Variants in WT1 observed in about 807,000 individuals in gnomAD.
WT1 encodes the protein Wilms tumor protein.
WT1 carries 8 observed loss-of-function variants against 60.8 expected under a neutral mutation model. That is an observed-to-expected ratio of 0.13 (90% CI 0.08 to 0.24). The LOEUF (loss-of-function observed/expected upper bound fraction) is 0.24. Ranked by LOEUF, WT1 falls within the 10% of genes least tolerant of loss-of-function variation. WT1 has a pLI of 1.00. For synonymous variants in WT1, 312 were observed against 297.1 expected (o/e 1.05, Z -0.52); for missense variants, 568 against 711.8 (o/e 0.80, Z 2.30).
rs1590331597 is a variant in WT1 at position 32,392,074 on chromosome 11, C to T, written c.1355-10G>A. 6.2e-7 allele frequency: 1 copy of T among 1,613,676 alleles called. No homozygotes were observed. The highest frequency in any genetic ancestry group is 8.5e-7 in the Non-Finnish European group (1 of 1,179,744). ...TGGAATGGTTTCACACCTAAATGGA[C>T]AGAGAAGGTCTAGCCTCGGCCCTAA... On this transcript the variant is annotated splice_polypyrimidine_tract_variant and intron_variant, in intron 8 of 9. Coordinates refer to ENST00000452863, the MANE Select transcript of WT1 (RefSeq NM_024426.6).
chr11:32,406,757 C>T (rs1437572194), intron 5 of WT1, among the ~76,000 whole-genome samples: 1 of 152,156 alleles, frequency 6.6e-6, no homozygotes, highest in Non-Finnish European at 1.5e-5. Flanking sequence ...CTTTAAGATG[C>T]ATAAAAATGT....
chr11:32,418,008 A>C (rs1852733045), intron 3 of WT1, among the ~76,000 whole-genome samples: 1 of 152,170 alleles, frequency 6.6e-6, no homozygotes, highest in African/African-American at 2.4e-5. Context: ...TAAAGTTAAA[A>C]GCCTGGAGCT....
chr11:32,405,476 CAT>C (rs1852280072), intron 5 of WT1, among the ~76,000 whole-genome samples: 1 of 148,824 alleles, frequency 6.7e-6, no homozygotes, highest in African/African-American at 2.5e-5. Flanking sequence ...TTTTAATATA[CAT>C]ATATGTTATA....
At chr11:32,407,788 A>T (rs1399897432) in intron 5 of WT1, among the ~76,000 whole-genome samples, 2 of 152,156 alleles carry the variant, frequency 1.3e-5, no homozygotes. Context: ...ATGCTAAGAA[A>T]CTATGCTTCC....
chr11:32,396,250 C>G lies in WT1; in HGVS notation c.1264+7G>C, dbSNP rs182900526. ...TTTGCCCAAGACTGGACAGCGGGCA[C>G]ACTTACCAGTGTGCTTCCTGCTGTG... On this transcript the variant is annotated splice_region_variant and intron_variant, in intron 7 of 9. Coordinates refer to ENST00000452863, the MANE Select transcript of WT1 (RefSeq NM_024426.6). 1 of 1,614,198 alleles carries G rather than the reference C, an allele frequency of 6.2e-7. No homozygotes were observed. Among genetic ancestry groups the G allele is most frequent in the East Asian group, 2.2e-5 (1 of 44,878 alleles).
chr11:32,398,387 A>C (rs1852038251), intron 6 of WT1, among the ~76,000 whole-genome samples: 1 of 152,194 alleles, frequency 6.6e-6, no homozygotes, highest in South Asian at 2.1e-4. Flanking sequence ...TGTGCTTCTG[A>C]CCACCCAAAA....
chr11:32,402,686 T>C (rs1852192291), intron 5 of WT1, among the ~76,000 whole-genome samples: 1 of 152,228 alleles, frequency 6.6e-6, no homozygotes, highest in African/African-American at 2.4e-5. Flanking sequence ...GCTAGGACTA[T>C]AGGTGCCCCG....
At chr11:32,422,561 G>T (rs1564990898) in intron 3 of WT1, among the ~76,000 whole-genome samples, 1 of 152,246 alleles carries the variant, frequency 6.6e-6, no homozygotes, top group Non-Finnish European at 1.5e-5. Flanking sequence ...GCTGTCATCT[G>T]ATTTCTGTCT....
rs148234826 is a variant in WT1 at position 32,430,734 on chromosome 11, G to C, written c.662-2115C>G. Reference sequence around the variant, plus strand: ...GCCCTCCTAGGCCTCCTCCCAGACCGGACACGCAGACCTCGGCGGGCAAAG... The same window carrying C: ...GCCCTCCTAGGCCTCCTCCCAGACCCGACACGCAGACCTCGGCGGGCAAAG... On this transcript the variant is annotated intron_variant, in intron 1 of 9. Transcript: ENST00000452863. 4.2e-3 allele frequency: 5,620 copies of C among 1,348,686 alleles called. 25 individuals carry two copies. Among genetic ancestry groups the C allele is most frequent in the Non-Finnish European group, 4.9e-3 (5,179 of 1,051,792 alleles). 83.5% of individuals were successfully genotyped at this position (1,348,686 alleles called of 1,614,324 possible). A position where few individuals can be genotyped will look rare whatever the true frequency, so the allele number is the denominator to read the frequency against.
chr11:32,396,372 A>G lies in WT1; in HGVS notation c.1149T>C (p.Leu383=). The change falls in exon 7 of 10, where the codon CTT becomes CTC. Residue 383 remains leucine (L), a synonymous_variant. Transcript: ENST00000452863. ...CACTGGTCTCAGATGCCGACCGTAC[A>G]AGAGTCGGGGCTACTCCAGGCACAC... 6.2e-7 allele frequency: 1 copy of G among 1,614,156 alleles called. No individual in the cohort carries two copies. Among genetic ancestry groups the G allele is most frequent in the South Asian group, 1.1e-5 (1 of 91,076 alleles).
chr11:32,403,820 G>A (rs993738253), intron 5 of WT1, among the ~76,000 whole-genome samples: 4 of 151,742 alleles, frequency 2.6e-5, no homozygotes, highest in Non-Finnish European at 5.9e-5. Flanking sequence ...TGATCCTCCC[G>A]CCTCGGCTCC....
chr11:32,397,076 C>T (rs1169050828), intron 6 of WT1, among the ~76,000 whole-genome samples: 1 of 152,206 alleles, frequency 6.6e-6, no homozygotes, highest in East Asian at 1.9e-4. Flanking sequence ...ACGTCCTTTG[C>T]AGGGCATCTG....
chr11:32,389,735 G>T (rs1236807706), intron 9 of WT1, among the ~76,000 whole-genome samples: 3 of 146,556 alleles, frequency 2.0e-5, no homozygotes, highest in Non-Finnish European at 4.5e-5. Flanking sequence ...GTTATGTGTT[G>T]TTTTTTTTTT....
At chr11:32,430,443 AG>A (rs1853246448) in intron 1 of WT1, 2 of 1,340,938 alleles carry the variant, frequency 1.5e-6, no homozygotes, top group East Asian at 2.7e-5. Context: ...AGAGAGAGAG[AG>A]AGAGAGGGAG....
At chr11:32,390,992 G>A (rs188301203) in intron 9 of WT1, among the ~76,000 whole-genome samples, 1 of 151,896 alleles carries the variant, frequency 6.6e-6, no homozygotes, top group African/African-American at 2.4e-5. Context: ...GTTTTGTTTT[G>A]TTTTGAGACA....
At position 32,434,845 on chromosome 11, in the gene WT1, C is replaced by G; in HGVS notation, c.516G>C (p.Gln172His). Reference sequence around the variant, plus strand: ...GACAGGCTCCGGCTGTGCCAGTGAACTGGCCGGAAAAGTGGACAGTGAAGG... The same window carrying G: ...GACAGGCTCCGGCTGTGCCAGTGAAGTGGCCGGAAAAGTGGACAGTGAAGG... The change falls in exon 1 of 10, where the codon CAG becomes CAC. Residue 172 changes from glutamine to histidine, a missense_variant. Transcript: ENST00000452863. 3 of 1,612,640 alleles carry G rather than the reference C, an allele frequency of 1.9e-6. No homozygotes were observed. The highest frequency in any genetic ancestry group is 2.5e-6 in the Non-Finnish European group (3 of 1,179,874).
At chr11:32,402,708 G>A (rs1470068845) in intron 5 of WT1, among the ~76,000 whole-genome samples, 1 of 152,194 alleles carries the variant, frequency 6.6e-6, no homozygotes, top group Non-Finnish European at 1.5e-5. Context: ...ACCATGCCCA[G>A]CTGATTTTTA....
intron 3 of WT1, among the ~76,000 whole-genome samples, chr11:32,425,683 C>T (rs561225427): frequency 6.6e-6 from 1 of 152,292 alleles, no homozygotes; most frequent in South Asian, 2.1e-4. Context: ...ACAAACTCTT[C>T]CTACAGGGGT....
intron 5 of WT1, among the ~76,000 whole-genome samples, chr11:32,415,293 A>G (rs1249247879): frequency 6.6e-6 from 1 of 152,172 alleles, no homozygotes; most frequent in Non-Finnish European, 1.5e-5. Flanking sequence ...GAAAGGAGAA[A>G]AGGAAGGGAG....
Sources: gnomAD v4.1 joint callset for allele counts (sites outside exome capture counted in the v4.1 genomes callset) on GRCh38, gnomAD v4.1.1 for gene constraint, MANE v1.5 for transcripts, NCBI Gene and HGNC (gene_info 2026-07-23, HGNC 2026-07-21) for gene names.